DCC: variants seen among roughly 807,000 people sequenced by gnomAD.
DCC encodes the protein netrin receptor DCC.
DCC carries 58 observed loss-of-function variants against 172.5 expected under a neutral mutation model. The ratio of observed to expected loss-of-function variants is 0.34; its 90% CI spans 0.27 to 0.42. The LOEUF (loss-of-function observed/expected upper bound fraction) is 0.42, where lower values mean the gene tolerates loss of function less well. Ranked by LOEUF, DCC falls within the 10% of genes least tolerant of loss-of-function variation. The pLI, the probability that DCC is intolerant of heterozygous loss-of-function variation, is 1.00. For missense variants in DCC, 1,740 were observed against 1,791.0 expected, an observed-to-expected ratio of 0.97 and a Z score of 0.51; for synonymous variants, 709 against 644.5, an observed-to-expected ratio of 1.10 and a Z score of -1.52.
intron 7 of DCC, among the ~76,000 whole-genome samples, chr18:53,146,369 A>G (rs919983479): frequency 6.6e-6 from 1 of 152,224 alleles, no homozygotes; most frequent in Non-Finnish European, 1.5e-5. Context: ...TGCTTCTGGG[A>G]TGGCACCTTG....
At chr18:53,007,124 C>T (rs940075939) in intron 5 of DCC, among the ~76,000 whole-genome samples, 3 of 152,010 alleles carry the variant, frequency 2.0e-5, no homozygotes, top group African/African-American at 7.2e-5. Context: ...GTATGTACTC[C>T]AAGCTTTATA....
intron 1 of DCC, among the ~76,000 whole-genome samples, chr18:52,459,507 G>T (rs187192451): frequency 7.9e-4 from 118 of 148,562 alleles, no homozygotes; most frequent in African/African-American, 2.8e-3. Context: ...TCACTCTGTC[G>T]CCCAGGCTGG....
intron 7 of DCC, among the ~76,000 whole-genome samples, chr18:53,128,930 G>A (rs912257369): frequency 3.4e-5 from 5 of 145,008 alleles, no homozygotes; most frequent in Admixed American, 7.0e-5. Flanking sequence ...TTTGTCATCC[G>A]GGCTGGAGTG....
chr18:52,945,385 A>G (rs1457682180), intron 5 of DCC, among the ~76,000 whole-genome samples: 1 of 152,238 alleles, frequency 6.6e-6, no homozygotes, highest in Non-Finnish European at 1.5e-5. Context: ...CTGAAAGAAT[A>G]TTATAAATTA....
At chr18:53,457,270 A>C (rs2045494365) in intron 23 of DCC, among the ~76,000 whole-genome samples, 1 of 152,218 alleles carries the variant, frequency 6.6e-6, no homozygotes, top group African/African-American at 2.4e-5. Flanking sequence ...TAAAAACAGA[A>C]GCCATCTGGG....
Position 52,992,420 on chromosome 18 carries a change from G to A in DCC, c.985+67050G>A, listed in dbSNP as rs373173926. Among the ~76,000 whole-genome samples the A allele has an allele frequency of 2.4e-4, 36 of 152,298 alleles. No individual in the cohort carries two copies. The South Asian group carries it at 4.4e-3, about 18-fold the overall frequency. The stretch of plus-strand genomic sequence containing the variant: ...CAGTTTCTGTAGAAACCGTTTTGGG[G>A]AGATGAACAGGTTTTATGCATATGA... On this transcript the variant is annotated intron_variant, in intron 5 of 28. Transcript: ENST00000442544.
intron 27 of DCC, among the ~76,000 whole-genome samples, chr18:53,511,732 C>A (rs1323483950): frequency 3.3e-5 from 5 of 152,186 alleles, no homozygotes; most frequent in Non-Finnish European, 5.9e-5. Context: ...CACTCCCACC[C>A]GAATACTGGG....
chr18:52,921,893 C>T (rs529846958), intron 3 of DCC, among the ~76,000 whole-genome samples: 1 of 151,584 alleles, frequency 6.6e-6, no homozygotes, highest in South Asian at 2.1e-4. Context: ...GTTGTAGAAA[C>T]ATTTCTACCG....
intron 1 of DCC, among the ~76,000 whole-genome samples, chr18:52,681,966 G>C (rs1457201406): frequency 1.3e-5 from 2 of 152,004 alleles, no homozygotes; most frequent in South Asian, 2.1e-4. Flanking sequence ...TAAATCTAGA[G>C]GGTTAATAAA....
intron 27 of DCC, among the ~76,000 whole-genome samples, chr18:53,509,979 ATTAG>A (rs1350710378): frequency 1.3e-5 from 2 of 152,220 alleles, no homozygotes; most frequent in African/African-American, 4.8e-5. Flanking sequence ...TGATGAGGGA[ATTAG>A]TTAAATTAGT....
chr18:53,126,496 T>TA (rs2043559214), intron 7 of DCC, among the ~76,000 whole-genome samples: 1 of 151,982 alleles, frequency 6.6e-6, no homozygotes, highest in Non-Finnish European at 1.5e-5. Context: ...TAGGAGCAGT[T>TA]AGTATTATCT....
At chr18:52,945,812 C>T (rs553689518) in intron 5 of DCC, among the ~76,000 whole-genome samples, 60 of 152,214 alleles carry the variant, frequency 3.9e-4, no homozygotes, top group Non-Finnish European at 7.6e-4. Flanking sequence ...ATGTAGCCTA[C>T]AGGCTTTGTT....
intron 15 of DCC, among the ~76,000 whole-genome samples, chr18:53,374,638 T>C (rs1392791103): frequency 6.6e-6 from 1 of 152,046 alleles, no homozygotes; most frequent in Non-Finnish European, 1.5e-5. Flanking sequence ...TAAAAGATAG[T>C]CAACCATGAC....
intron 7 of DCC, among the ~76,000 whole-genome samples, chr18:53,134,060 T>C (rs1411861488): frequency 6.6e-6 from 1 of 152,190 alleles, no homozygotes; most frequent in Non-Finnish European, 1.5e-5. Context: ...AATTATTTAC[T>C]TTCAGCCAGT....
intron 2 of DCC, among the ~76,000 whole-genome samples, chr18:52,885,171 G>T (rs1339614982): frequency 6.6e-6 from 1 of 152,030 alleles, no homozygotes; most frequent in Non-Finnish European, 1.5e-5. Flanking sequence ...TACCACCTAT[G>T]TTCACTCAAG....
At chr18:53,507,747 T>C (rs764122666) in intron 27 of DCC, among the ~76,000 whole-genome samples, 20 of 152,182 alleles carry the variant, frequency 1.3e-4, no homozygotes, top group Non-Finnish European at 1.2e-4. Flanking sequence ...TAATGGCACT[T>C]ATAGTGACTG....
intron 21 of DCC, among the ~76,000 whole-genome samples, chr18:53,428,015 A>C (rs1239234524): frequency 1.4e-5 from 1 of 73,040 alleles, no homozygotes; most frequent in East Asian, 3.1e-4. Context: ...ATATAATACT[A>C]TAATAATATA....
chr18:53,015,596 T>C (rs2041796745), intron 5 of DCC, among the ~76,000 whole-genome samples: 1 of 152,154 alleles, frequency 6.6e-6, no homozygotes, highest in Non-Finnish European at 1.5e-5. Flanking sequence ...CTTTTTTTCT[T>C]CAGCTTAGAA....
chr18:53,057,694 A>G (rs2042429660), intron 5 of DCC, among the ~76,000 whole-genome samples: 1 of 152,148 alleles, frequency 6.6e-6, no homozygotes, highest in South Asian at 2.1e-4. Flanking sequence ...ATACTATGTA[A>G]ATGGAACAAT....
Sources: gnomAD v4.1 joint callset for allele counts (sites outside exome capture counted in the v4.1 genomes callset) on GRCh38, gnomAD v4.1.1 for gene constraint, MANE v1.5 for transcripts, NCBI Gene and HGNC (gene_info 2026-07-23, HGNC 2026-07-21) for gene names.